Variants in SGSM3 observed in about 807,000 individuals in gnomAD.
The protein encoded by SGSM3 is small G protein signaling modulator 3, also known as RUN and SH3 containing 3.
Under a neutral mutation model 100.5 loss-of-function variants are expected in SGSM3, and 96 were observed. The ratio of observed to expected loss-of-function variants is 0.96; its 90% CI spans 0.81 to 1.13. The LOEUF (loss-of-function observed/expected upper bound fraction) is 1.13, where lower values mean the gene tolerates loss of function less well. Among genes scored for constraint, SGSM3 ranks in the 50% most tolerant of loss-of-function variants. SGSM3 has a pLI of 0.00. For synonymous variants in SGSM3, 483 were observed against 422.8 expected (o/e 1.14, Z -1.75); for missense variants, 1,001 against 1,015.8 (o/e 0.99, Z 0.20).
chr22:40,404,521 G>C (rs1398223662), intron 5 of SGSM3, 36 bp from the exon 6 acceptor site: 1 of 1,611,228 alleles, frequency 6.2e-7, no homozygotes, highest in Non-Finnish European at 8.5e-7. Context: ...GGTGTCACGA[G>C]AAAGACTGAG....
Position 40,407,444 on chromosome 22 carries a change from A to G in SGSM3, c.1400A>G (p.His467Arg). 1 of 1,612,682 alleles carries G rather than the reference A, an allele frequency of 6.2e-7. No homozygotes were observed. Among genetic ancestry groups the G allele is most frequent in the Non-Finnish European group, 8.5e-7 (1 of 1,179,870 alleles). ...ELTPDYSMESHQRDHENYVAC... is the reference protein window; with the variant it reads ...ELTPDYSMESRQRDHENYVAC... ...ACTCCAGACTATAGCATGGAGAGCC[A>G]CCAGCGGGACCACGAGAACTACGTG... Residue 467 changes from histidine to arginine, a missense_variant, in exon 13 of 22, where the codon CAC (histidine) becomes CGC (arginine). By Grantham distance (29) the His-to-Arg change is conservative. Transcript: ENST00000248929. This position sits in a 1 kb window ranked among gnomAD's most constrained non-coding sequence, Gnocchi z 4.7.
chr22:40,394,326 G>T lies in SGSM3; in HGVS notation c.-111-6370G>T, dbSNP rs538429929. On this transcript the variant is annotated intron_variant, in intron 1 of 21. Transcript: ENST00000248929. ...GCAGGCTTCCCTTGTCTTAGTTGAT[G>T]GGACCTGCACAGTTGCTCAGGTCCA... Among the ~76,000 whole-genome samples the T allele has an allele frequency of 7.9e-5, 12 of 152,172 alleles. No homozygotes were observed. In the South Asian group the frequency reaches 2.3e-3, roughly 29 times the overall value.
chr22:40,371,061 T>G (rs2045349097), intron 1 of SGSM3, among the ~76,000 whole-genome samples: 2 of 152,244 alleles, frequency 1.3e-5, no homozygotes, highest in African/African-American at 4.8e-5. Flanking sequence ...TGGCTGGCTC[T>G]GGCACCGGGA....
At position 40,408,938 on chromosome 22, in the gene SGSM3, G is replaced by GA; in HGVS notation, c.1908_1909insA (p.Gln637ThrfsTer28). The GA allele has an allele frequency of 6.2e-7, 1 of 1,612,344 alleles. No homozygotes were observed. Among genetic ancestry groups the GA allele is most frequent in the Non-Finnish European group, 8.5e-7 (1 of 1,179,308 alleles). ...GCTGACGGTGCCGTTCCCAGGCTGTGCAGTCTGTGAACGTGACCCACGATG... is the reference window on the plus strand; with the variant it reads ...GCTGACGGTGCCGTTCCCAGGCTGTGACAGTCTGTGAACGTGACCCACGATG... On this transcript the variant is annotated frameshift_variant, in exon 19 of 22. Transcript: ENST00000248929. LOFTEE classifies it high-confidence loss of function.
At chr22:40,399,682 A>C (rs1445452117) in intron 1 of SGSM3, among the ~76,000 whole-genome samples, 1 of 152,348 alleles carries the variant, frequency 6.6e-6, no homozygotes, top group East Asian at 1.9e-4. Context: ...GGGAAACCCT[A>C]TATCACATAT....
chr22:40,395,679 C>T (rs2049952497), intron 1 of SGSM3, among the ~76,000 whole-genome samples: 1 of 152,144 alleles, frequency 6.6e-6, no homozygotes, highest in African/African-American at 2.4e-5. Flanking sequence ...GTTTTGTTCC[C>T]ATTTCTCTCA....
chr22:40,382,526 G>A (rs2047733968), intron 1 of SGSM3, among the ~76,000 whole-genome samples: 1 of 152,122 alleles, frequency 6.6e-6, no homozygotes, highest in South Asian at 2.1e-4. Flanking sequence ...CAGCATGGCA[G>A]GTGTGTTCTA....
In SGSM3 at chr22:40,408,125, G is replaced by A; in HGVS notation, c.1629+5G>A. ...CTGGATGAGCGCAGCAAAGAGGTGAGGGGGGTGGGCGGGCTAGGCACGGCT... is the reference window on the plus strand; with the variant it reads ...CTGGATGAGCGCAGCAAAGAGGTGAAGGGGGTGGGCGGGCTAGGCACGGCT... On this transcript the variant is annotated splice_donor_5th_base_variant and intron_variant, in intron 15 of 21. Coordinates refer to ENST00000248929, the MANE Select transcript of SGSM3 (RefSeq NM_015705.6). 5 of 1,610,204 alleles carry A rather than the reference G, an allele frequency of 3.1e-6. No individual in the cohort carries two copies. Among genetic ancestry groups the A allele is most frequent in the Non-Finnish European group, 3.4e-6 (4 of 1,177,264 alleles).
Position 40,408,850 on chromosome 22 carries a change from G to A in SGSM3, c.1902+8G>A, listed in dbSNP as rs748685648. On this transcript the variant is annotated splice_region_variant and intron_variant, in intron 18 of 21. Coordinates refer to ENST00000248929, the MANE Select transcript of SGSM3 (RefSeq NM_015705.6). ...GAGGAGCTGCTCTACCGGGTAAGGG[G>A]GCCTCCTCTGCCAGACCCTAGAGAC... 1.9e-6 allele frequency: 3 copies of A among 1,613,770 alleles called. No homozygotes were observed.
At chr22:40,408,903 C>G (rs1747720775) in intron 18 of SGSM3, 30 bp from the exon 19 acceptor site, 1 of 1,613,780 alleles carries the variant, frequency 6.2e-7, no homozygotes, top group East Asian at 2.2e-5. Flanking sequence ...GTGGGGGAGC[C>G]TGAGTGACAG....
chr22:40,404,231 G>T lies in SGSM3; in HGVS notation c.158-16G>T. The T allele has an allele frequency of 6.6e-7, 1 of 1,503,910 alleles. No homozygotes were observed. Among genetic ancestry groups the T allele is most frequent in the African/African-American group, 1.4e-5 (1 of 71,472 alleles). 93.2% of individuals were successfully genotyped at this position (1,503,910 alleles called of 1,614,324 possible). On this transcript the variant is annotated splice_polypyrimidine_tract_variant and intron_variant, in intron 4 of 21. Transcript: ENST00000248929. ...AGAGAATGCTTTTTCTTTCCTCCTTGGCTCTCTCTTGGCAGAAGGTGATGA... is the reference window on the plus strand; with the variant it reads ...AGAGAATGCTTTTTCTTTCCTCCTTTGCTCTCTCTTGGCAGAAGGTGATGA...
At position 40,409,953 on chromosome 22, in the gene SGSM3, T is replaced by A; in HGVS notation, c.*194T>A. ...GGGTACCCTGCCCCACCAGGGTCCTTAGGGATGCTCTAGGCCAAACCACAG... is the reference window on the plus strand; with the variant it reads ...GGGTACCCTGCCCCACCAGGGTCCTAAGGGATGCTCTAGGCCAAACCACAG... On this transcript the variant is annotated 3_prime_UTR_variant, in exon 22 of 22. Coordinates refer to ENST00000248929, the MANE Select transcript of SGSM3 (RefSeq NM_015705.6). 1.4e-6 allele frequency: 2 copies of A among 1,395,490 alleles called. No individual in the cohort carries two copies. Among genetic ancestry groups the A allele is most frequent in the South Asian group, 3.5e-5 (2 of 57,550 alleles). 86.4% of individuals were successfully genotyped at this position (1,395,490 alleles called of 1,614,324 possible).
rs73887804 is a variant in SGSM3 at position 40,410,237 on chromosome 22, C to A, written c.*478C>A. On this transcript the variant is annotated 3_prime_UTR_variant, in exon 22 of 22. Transcript: ENST00000248929. ...TGCTGGGACACAACAGACCCGGGAC[C>A]CAGCTGTGCTACCCACCCCTTCCAT... The A allele has an allele frequency of 3.0e-6, 3 of 1,004,322 alleles. No homozygotes were observed. The highest frequency in any genetic ancestry group is 3.4e-5 in the African/African-American group (2 of 59,452). 62.2% of individuals were successfully genotyped at this position (1,004,322 alleles called of 1,614,324 possible).
intron 9 of SGSM3, 84 bp downstream of exon 9, chr22:40,406,307 A>G (rs1260490716): frequency 1.3e-6 from 2 of 1,569,418 alleles, no homozygotes; most frequent in Non-Finnish European, 1.7e-6. Flanking sequence ...GGGCCAGGCA[A>G]GACCAGCCCC....
At chr22:40,408,009 G>T in intron 14 of SGSM3, 62 bp from the exon 15 acceptor site, 1 of 1,559,138 alleles carries the variant, frequency 6.4e-7, no homozygotes, top group Non-Finnish European at 8.8e-7. Flanking sequence ...CTGCCTGCAG[G>T]CTGTGTCTGC....
chr22:40,384,008 G>T lies in SGSM3; in HGVS notation c.-112+13320G>T, dbSNP rs149752640. Among the ~76,000 whole-genome samples, 154 of 152,292 alleles carry T rather than the reference G, an allele frequency of 1.0e-3. 1 individual carries two copies. In the East Asian group the frequency reaches 0.017, roughly 17 times the overall value. ...TCATGCCTGTAATCCTAACACTTTG[G>T]GAGGCCAAAGTGGGAGGATTGCTTG... On this transcript the variant is annotated intron_variant, in intron 1 of 21. Transcript: ENST00000248929.
At chr22:40,384,970 AAAAG>A (rs1302913877) in intron 1 of SGSM3, among the ~76,000 whole-genome samples, 2 of 152,234 alleles carry the variant, frequency 1.3e-5, no homozygotes, top group South Asian at 2.1e-4. Flanking sequence ...GGAATGGACT[AAAAG>A]AAAGAAGACT....
intron 4 of SGSM3, among the ~76,000 whole-genome samples, chr22:40,402,951 T>C (rs1000434653): frequency 6.6e-6 from 1 of 152,236 alleles, no homozygotes; most frequent in Non-Finnish European, 1.5e-5. Flanking sequence ...CTGCAACTAA[T>C]CACCTTCAGG....
chr22:40,390,055 T>A (rs536798296), intron 1 of SGSM3, among the ~76,000 whole-genome samples: 1 of 152,000 alleles, frequency 6.6e-6, no homozygotes, highest in East Asian at 1.9e-4. Flanking sequence ...ACAGAACTCA[T>A]TGGCCATTTC....
Sources: allele counts gnomAD v4.1 joint callset (sites outside exome capture counted in the v4.1 genomes callset), GRCh38; gene constraint gnomAD v4.1.1; non-coding constraint Gnocchi (gnomAD v3.1); transcripts MANE v1.5; gene names NCBI Gene and HGNC (gene_info 2026-07-23, HGNC 2026-07-21).